AMMECR1: variants seen among roughly 807,000 people sequenced by gnomAD.
The protein encoded by AMMECR1 is AMMECR nuclear protein 1.
Under a neutral mutation model 22.5 loss-of-function variants are expected in AMMECR1, and 3 were observed. The observed-to-expected ratio is 0.13, with a 90% confidence interval of 0.06 to 0.35. The LOEUF is 0.35. Among genes scored for constraint, AMMECR1 ranks in the 10% least tolerant of loss-of-function variants. The pLI is 1.00. For missense variants in AMMECR1, 235 were observed against 278.7 expected, an observed-to-expected ratio of 0.84 and a Z score of 1.12; for synonymous variants, 130 against 116.7, an observed-to-expected ratio of 1.11 and a Z score of -0.74.
At chrX:110,374,982 G>C (rs1236928796) in intron 2 of AMMECR1, among the ~76,000 whole-genome samples, 2 of 111,275 alleles carry the variant, frequency 1.8e-5, no homozygotes, top group Admixed American at 1.9e-4. Context: ...CCAATGAAAG[G>C]CTAACTAACC....
intron 2 of AMMECR1, among the ~76,000 whole-genome samples, chrX:110,262,595 G>A (rs1051161588): frequency 2.0e-4 from 22 of 111,902 alleles, no homozygotes; most frequent in African/African-American, 6.8e-4. Context: ...CAGAAAAGTT[G>A]GATGTTTTCA....
chrX:110,346,885 C>A (rs749090432), intron 2 of AMMECR1: 5 of 620,825 alleles, frequency 8.1e-6, no homozygotes, highest in Non-Finnish European at 8.3e-6. Flanking sequence ...TTCTTCGTAG[C>A]GGCGACGCTG....
At chrX:110,336,199 T>C (rs2068140501) in intron 2 of AMMECR1, among the ~76,000 whole-genome samples, 1 of 111,776 alleles carries the variant, frequency 8.9e-6, no homozygotes. Context: ...CCATCCTGCC[T>C]AAACCAGTCT....
intron 2 of AMMECR1, among the ~76,000 whole-genome samples, chrX:110,389,334 T>C (rs1383529181): frequency 8.9e-6 from 1 of 112,651 alleles, no homozygotes; most frequent in Non-Finnish European, 1.9e-5. Flanking sequence ...GGTTTACACC[T>C]GAAATGCCAC....
chrX:110,217,212 A>G (rs915423923), intron 2 of AMMECR1, among the ~76,000 whole-genome samples: 3 of 109,812 alleles, frequency 2.7e-5, no homozygotes, highest in Admixed American at 9.8e-5. Context: ...AAAAACAAAG[A>G]AAAGAAATAA....
intron 1 of AMMECR1, among the ~76,000 whole-genome samples, chrX:110,279,010 A>G (rs992443824): frequency 1.8e-5 from 2 of 112,258 alleles, no homozygotes; most frequent in African/African-American, 3.2e-5. Context: ...GAATTTCTAC[A>G]TAGCTGTAGA....
intron 2 of AMMECR1, among the ~76,000 whole-genome samples, chrX:110,328,435 T>C (rs2068106136): frequency 1.1e-5 from 1 of 94,193 alleles, no homozygotes; most frequent in South Asian, 4.2e-4. Flanking sequence ...TTTTTCTTTT[T>C]CTCTTTTTTT....
At chrX:110,363,363 T>G (rs1224080614) in intron 2 of AMMECR1, among the ~76,000 whole-genome samples, 2 of 112,160 alleles carry the variant, frequency 1.8e-5, no homozygotes, top group East Asian at 5.6e-4. Flanking sequence ...CATGCCATTC[T>G]CAGGGGCTTA....
chrX:110,434,930 A>G (rs2068825494), intron 1 of AMMECR1, among the ~76,000 whole-genome samples: 1 of 109,080 alleles, frequency 9.2e-6, no homozygotes, highest in Non-Finnish European at 1.9e-5. Flanking sequence ...GAGTGAGAAG[A>G]CACTCTTCTT....
At position 110,406,022 on chromosome X, in the gene AMMECR1, G is replaced by T. The variant is rs566769723; in HGVS notation, c.-148+20636C>A. ...AACCCTAGCTGAAGGGCTTTCTATT[G>T]CTTTGTTTAGAGATTTGTTCTTTTC... is the stretch of plus-strand genomic sequence containing the variant. On this transcript the variant is annotated intron_variant, in intron 2 of 7. Transcript: ENST00000372057. Among the ~76,000 whole-genome samples, 23 of 111,453 alleles carry T rather than the reference G, an allele frequency of 2.1e-4. No individual in the cohort carries two copies. The South Asian group carries it at 8.4e-3, about 41-fold the overall frequency.
intron 1 of AMMECR1, among the ~76,000 whole-genome samples, chrX:110,431,719 A>G (rs964176455): frequency 8.9e-6 from 1 of 111,874 alleles, no homozygotes; most frequent in African/African-American, 3.3e-5. Context: ...GGGCGCATAC[A>G]GCAGGCCCTT....
chrX:110,331,234 T>C (rs893213723), intron 2 of AMMECR1, among the ~76,000 whole-genome samples: 2 of 108,921 alleles, frequency 1.8e-5, no homozygotes, highest in African/African-American at 6.7e-5. Context: ...TCTGCATTTA[T>C]TGCCATCAAT....
chrX:110,198,284 T>C lies in AMMECR1; in HGVS notation c.*236A>G. 2 of 251,296 alleles carry C rather than the reference T, an allele frequency of 8.0e-6. No individual in the cohort carries two copies. The highest frequency in any genetic ancestry group is 6.5e-5 in the Admixed American group (1 of 15,395). 20.7% of individuals were successfully genotyped at this position (251,296 alleles called of 1,213,427 possible). ...ATAAGGAAAAAAAAACCCAAAATTA[T>C]ATATGCTGCAAAAAAAAAATCAACG... is the stretch of plus-strand genomic sequence containing the variant. On this transcript the variant is annotated 3_prime_UTR_variant, in exon 6 of 6. Transcript: ENST00000262844.
At chrX:110,418,254 A>AT (rs1314082077) in intron 2 of AMMECR1, among the ~76,000 whole-genome samples, 7 of 112,253 alleles carry the variant, frequency 6.2e-5, no homozygotes, top group Non-Finnish European at 1.3e-4. Flanking sequence ...TGAGGTTCTT[A>AT]TTTTTTTAAT....
chrX:110,406,998 T>G (rs2068606920), intron 2 of AMMECR1, among the ~76,000 whole-genome samples: 1 of 111,796 alleles, frequency 8.9e-6, no homozygotes, highest in Admixed American at 9.6e-5. Flanking sequence ...GAATGCCTTC[T>G]TTGGCACCTG....
chrX:110,427,174 A>T (rs1280301884), intron 1 of AMMECR1, among the ~76,000 whole-genome samples: 1 of 111,727 alleles, frequency 9.0e-6, no homozygotes, highest in Admixed American at 9.5e-5. Context: ...GATTCCTACA[A>T]TACCTTCTGG....
intron 2 of AMMECR1, chrX:110,224,948 T>C: frequency 2.8e-6 from 1 of 351,179 alleles, no homozygotes; most frequent in Non-Finnish European, 5.4e-6. Flanking sequence ...TTTTTTAAAA[T>C]TAGTTTTTCG....
At chrX:110,432,198 A>C (rs2068802105) in intron 1 of AMMECR1, among the ~76,000 whole-genome samples, 1 of 112,154 alleles carries the variant, frequency 8.9e-6, no homozygotes, top group African/African-American at 3.2e-5. Context: ...TTGCCAGGAG[A>C]GCACATCTGT....
intron 2 of AMMECR1, among the ~76,000 whole-genome samples, chrX:110,374,394 T>A (rs1264353263): frequency 1.8e-5 from 2 of 112,261 alleles, no homozygotes; most frequent in East Asian, 5.6e-4. Flanking sequence ...CTAGTAGTAT[T>A]TCTCTCAATC....
Sources: allele counts gnomAD v4.1 joint callset (sites outside exome capture counted in the v4.1 genomes callset), GRCh38; gene constraint gnomAD v4.1.1; transcripts MANE v1.5; gene names NCBI Gene and HGNC (gene_info 2026-07-23, HGNC 2026-07-21).